MTMR9: variants seen among roughly 807,000 people sequenced by gnomAD.
The protein encoded by MTMR9 is myotubularin related protein 9.
In MTMR9, 39 loss-of-function variants were observed where a neutral mutation model predicts 69.5. That is an observed-to-expected ratio of 0.56 (90% CI 0.43 to 0.73). MTMR9 has a LOEUF of 0.73. MTMR9 is among the 30% of genes least tolerant of loss of function. MTMR9 has a pLI of 0.00. For synonymous variants in MTMR9, 354 were observed against 240.8 expected, an observed-to-expected ratio of 1.47 and a Z score of -4.35; for missense variants, 900 against 671.2, an observed-to-expected ratio of 1.34 and a Z score of -3.77.
At position 11,323,584 on chromosome 8, in the gene MTMR9, T is replaced by C. The variant is rs1312323930; in HGVS notation, c.*796T>C. On this transcript the variant is annotated 3_prime_UTR_variant, in exon 10 of 10. Coordinates refer to ENST00000221086, the MANE Select transcript of MTMR9 (RefSeq NM_015458.4). The stretch of plus-strand genomic sequence containing the variant: ...ATATACAATGTGTTTCAAATGCTGC[T>C]TGTAAAATTAAACCATCATCTAGAA... The C allele has an allele frequency of 6.6e-6, 1 of 152,260 alleles. No individual in the cohort carries two copies. The highest frequency in any genetic ancestry group is 1.5e-5 in the Non-Finnish European group (1 of 68,038). The allele number at this position is 152,260 out of a possible 1,614,324, so 9.4% of individuals were successfully genotyped here. A position where few individuals can be genotyped will look rare whatever the true frequency, so the allele number is the denominator to read the frequency against.
At chr8:11,302,578 A>C (rs902976606) in intron 3 of MTMR9, among the ~76,000 whole-genome samples, 1 of 152,188 alleles carries the variant, frequency 6.6e-6, no homozygotes, top group Non-Finnish European at 1.5e-5. Context: ...GATTTGAAGG[A>C]AATTTATTTA....
intron 1 of MTMR9, among the ~76,000 whole-genome samples, chr8:11,287,612 G>A (rs1010675080): frequency 6.7e-6 from 1 of 148,778 alleles, no homozygotes; most frequent in African/African-American, 2.5e-5. Context: ...AGATGCTTAG[G>A]TACTGGCCAG....
Position 11,287,354 on chromosome 8 carries a change from C to T in MTMR9, c.182+2284C>T, listed in dbSNP as rs1316702557. On this transcript the variant is annotated intron_variant, in intron 1 of 9. Coordinates refer to ENST00000221086, the MANE Select transcript of MTMR9 (RefSeq NM_015458.4). ...TTTCCTCCTTTTTACCTTGCATTTACAAGGTGCTGGGCTTTGTAGTACATG... is the reference window on the plus strand; with the variant it reads ...TTTCCTCCTTTTTACCTTGCATTTATAAGGTGCTGGGCTTTGTAGTACATG... 2.0e-5 allele frequency among the ~76,000 whole-genome samples: 3 copies of T among 152,076 alleles called. No individual in the cohort carries two copies. In the East Asian group the frequency reaches 5.8e-4, roughly 29 times the overall value.
rs1223742626 is a variant in MTMR9 at position 11,287,693 on chromosome 8, T to TTATTATATATTATATATATTATAATATA, written c.182+2641_182+2668dup. Among the ~76,000 whole-genome samples the TTATTATATATTATATATATTATAATATA allele has an allele frequency of 3.8e-3, 519 of 135,354 alleles. 10 individuals carry two copies. The highest frequency in any genetic ancestry group is 0.012 in the African/African-American group (410 of 33,402). 88.8% of individuals were successfully genotyped at this position (135,354 alleles called of 152,430 possible). ...TTAGATATATTTATATTTATTATGT[T>TTATTATATATTATATATATTATAATATA]TATTATATATTATATATATTATAAT... On this transcript the variant is annotated intron_variant, in intron 1 of 9. Coordinates refer to ENST00000221086, the MANE Select transcript of MTMR9 (RefSeq NM_015458.4).
At chr8:11,334,312 C>T in the MTMR9 span, among the ~76,000 whole-genome samples, 1 of 152,172 alleles carries the variant, frequency 6.6e-6, no homozygotes, top group African/African-American at 2.4e-5. Flanking sequence ...AATCAAAAGA[C>T]AGGCATAAAA....
chr8:11,308,277 C>G (rs937085883), intron 5 of MTMR9, among the ~76,000 whole-genome samples: 1 of 152,166 alleles, frequency 6.6e-6, no homozygotes, highest in Non-Finnish European at 1.5e-5. Context: ...TTTTCCACCA[C>G]CACTCATGGG....
rs746929509 is a variant in MTMR9 at position 11,316,777 on chromosome 8, G to C, written c.1218G>C (p.Gln406His). 1.2e-6 allele frequency: 2 copies of C among 1,613,934 alleles called. No individual in the cohort carries two copies. The highest frequency in any genetic ancestry group is 1.1e-5 in the South Asian group (1 of 91,058). Residue 406 changes from glutamine (Q) to histidine (H), a missense_variant, in exon 8 of 10, where the codon CAG becomes CAC. Gln to His is a conservative substitution (Grantham distance 24, BLOSUM62 0). Transcript: ENST00000221086. ...TTCTCTTCTTGGACTGCGTGTGGCA[G>C]ATCCTTCGTCAGTTTCCCTGTTCTT... Reference protein sequence around the residue: ...VFLLFLDCVWQILRQFPCSFE... With the variant: ...VFLLFLDCVWHILRQFPCSFE...
At chr8:11,314,743 C>CTTAGAT (rs1194020024) in intron 6 of MTMR9, among the ~76,000 whole-genome samples, 180 bp from the exon 7 acceptor site, 1 of 152,066 alleles carries the variant, frequency 6.6e-6, no homozygotes, top group African/African-American at 2.4e-5. Flanking sequence ...TATCGTATGC[C>CTTAGAT]TTAGATTTAG....
intron 1 of MTMR9, among the ~76,000 whole-genome samples, chr8:11,293,671 C>G (rs1190848728): frequency 6.6e-6 from 1 of 151,738 alleles, no homozygotes; most frequent in Non-Finnish European, 1.5e-5. Context: ...TTTCTTCTAG[C>G]AGTTTTATAG....
chr8:11,316,663 T>A lies in MTMR9; in HGVS notation c.1114-10T>A. 1 of 1,575,418 alleles carries A rather than the reference T, an allele frequency of 6.3e-7. No homozygotes were observed. Among genetic ancestry groups the A allele is most frequent in the South Asian group, 1.2e-5 (1 of 85,060 alleles). On this transcript the variant is annotated splice_polypyrimidine_tract_variant and intron_variant, in intron 7 of 9. Coordinates refer to ENST00000221086, the MANE Select transcript of MTMR9 (RefSeq NM_015458.4). Reference sequence around the variant, plus strand: ...AGGATATGACTGTCACGCCTCCATCTTCCCCCTAGGCTGGTCACCCATTCC... The same window carrying A: ...AGGATATGACTGTCACGCCTCCATCATCCCCCTAGGCTGGTCACCCATTCC...
In MTMR9 at chr8:11,325,043, A is replaced by G. The variant is rs1467987871; in HGVS notation, c.*2255A>G. The G allele has an allele frequency of 2.6e-5, 4 of 152,204 alleles. No individual in the cohort carries two copies. The highest frequency in any genetic ancestry group is 4.8e-5 in the African/African-American group (2 of 41,444). 9.4% of individuals were successfully genotyped at this position (152,204 alleles called of 1,614,324 possible). ...AGCCAGAGTACAGTCATAACACGGTATTCGCATTTCGTTTTCTCTGTCTCA... is the reference window on the plus strand; with the variant it reads ...AGCCAGAGTACAGTCATAACACGGTGTTCGCATTTCGTTTTCTCTGTCTCA... On this transcript the variant is annotated 3_prime_UTR_variant, in exon 10 of 10. Transcript: ENST00000221086.
chr8:11,311,335 C>A (rs1800189593), intron 6 of MTMR9, among the ~76,000 whole-genome samples: 1 of 152,086 alleles, frequency 6.6e-6, no homozygotes, highest in South Asian at 2.1e-4. Flanking sequence ...CCTAAATGTC[C>A]AACTATAGGA....
At chr8:11,319,912 G>A in intron 9 of MTMR9, 74 bp downstream of exon 9, 1 of 1,493,900 alleles carries the variant, frequency 6.7e-7, no homozygotes, top group Admixed American at 1.8e-5. Context: ...TGTGCTGTTG[G>A]TGATGTATGA....
chr8:11,308,025 G>C (rs562922169), intron 5 of MTMR9, among the ~76,000 whole-genome samples: 7 of 152,094 alleles, frequency 4.6e-5, no homozygotes, highest in Non-Finnish European at 8.8e-5. Flanking sequence ...TTGTTTTGCT[G>C]TGCAAAACTT....
chr8:11,319,962 T>A (rs1484552822), intron 9 of MTMR9, 124 bp downstream of exon 9: 1 of 891,070 alleles, frequency 1.1e-6, no homozygotes, highest in South Asian at 2.3e-5. Flanking sequence ...CTGTGTGAAT[T>A]GTCATTCTCA....
At chr8:11,309,437 T>C in intron 5 of MTMR9, 90 bp from the exon 6 acceptor site, 1 of 1,127,346 alleles carries the variant, frequency 8.9e-7, no homozygotes, top group African/African-American at 1.6e-5. Context: ...ACTTTTGCTC[T>C]TAGATATGTT....
At chr8:11,310,139 C>T (rs1392303276) in intron 6 of MTMR9, among the ~76,000 whole-genome samples, 2 of 152,180 alleles carry the variant, frequency 1.3e-5, no homozygotes, top group East Asian at 3.8e-4. Flanking sequence ...TATCTTATTT[C>T]ATACTACTTG....
At chr8:11,334,978 C>A in the MTMR9 span, among the ~76,000 whole-genome samples, 1 of 152,218 alleles carries the variant, frequency 6.6e-6, no homozygotes, top group Non-Finnish European at 1.5e-5. Context: ...CTGCAGCTAA[C>A]ATACTTAATG....
At chr8:11,319,104 TA>T (rs922392358) in intron 8 of MTMR9, 144 of 144,180 alleles carry the variant, frequency 1.0e-3, no homozygotes, top group African/African-American at 2.1e-3. Flanking sequence ...AATAAAAAAT[TA>T]AAAAAAAAAA....
Sources: gnomAD v4.1 joint callset for allele counts (sites outside exome capture counted in the v4.1 genomes callset) on GRCh38, gnomAD v4.1.1 for gene constraint, MANE v1.5 for transcripts, NCBI Gene and HGNC (gene_info 2026-07-23, HGNC 2026-07-21) for gene names.